Variants in LIMS2 observed in about 807,000 individuals in gnomAD.
LIMS2 encodes LIM zinc finger domain containing 2.
LIMS2 carries 30 observed loss-of-function variants against 45.3 expected under a neutral mutation model. The ratio of observed to expected loss-of-function variants is 0.66; its 90% CI spans 0.50 to 0.90. LIMS2 has a LOEUF of 0.90. Ranked by LOEUF, LIMS2 falls within the 40% of genes least tolerant of loss-of-function variation. The pLI is 0.00. For synonymous variants in LIMS2, 173 were observed against 188.0 expected (o/e 0.92, Z 0.65); for missense variants, 485 against 468.7 (o/e 1.03, Z -0.32).
At chr2:127,651,210 G>A in intron 4 of LIMS2, 1 of 1,609,860 alleles carries the variant, frequency 6.2e-7, no homozygotes, top group South Asian at 1.1e-5. Context: ...GTGGGTGGTG[G>A]TGGCTGTGGC....
chr2:127,668,732 A>G (rs1396426138), intron 1 of LIMS2, among the ~76,000 whole-genome samples: 1 of 146,152 alleles, frequency 6.8e-6, no homozygotes, highest in Non-Finnish European at 1.5e-5. Context: ...AAAAATTACA[A>G]TTTACTTACT....
chr2:127,668,710 AAC>A lies in LIMS2; in HGVS notation c.11+6302_11+6303del, dbSNP rs1558901542. On this transcript the variant is annotated intron_variant, in intron 1 of 9. Coordinates refer to ENST00000355119, the MANE Select transcript of LIMS2 (RefSeq NM_001161403.3). ...AAAAAAAAAAAAAAAAAAAAAAAAA[AAC>A]ACCTTACTTAAAAATTACAATTTAC... is the stretch of plus-strand genomic sequence containing the variant. Among the ~76,000 whole-genome samples the A allele has an allele frequency of 1.5e-4, 19 of 130,770 alleles. 1 individual carries two copies. The highest frequency in any genetic ancestry group is 8.3e-4 in the East Asian group (4 of 4,812). The allele number at this position is 130,770 out of a possible 152,430, so 85.8% of individuals were successfully genotyped here.
intron 4 of LIMS2, among the ~76,000 whole-genome samples, chr2:127,649,457 C>T (rs1683469621): frequency 6.6e-6 from 1 of 152,214 alleles, no homozygotes; most frequent in Admixed American, 6.5e-5. Context: ...CCCAGAGGAG[C>T]CCCAGAAGCT....
chr2:127,663,027 A>G (rs929094785), intron 1 of LIMS2, among the ~76,000 whole-genome samples: 3 of 152,248 alleles, frequency 2.0e-5, no homozygotes, highest in Non-Finnish European at 4.4e-5. Context: ...CAGAAGTTCA[A>G]AGAAAAACAG....
At position 127,668,659 on chromosome 2, in the gene LIMS2, A is replaced by G. The variant is rs866565037; in HGVS notation, c.11+6355T>C. On this transcript the variant is annotated intron_variant, in intron 1 of 9. Coordinates refer to ENST00000355119, the MANE Select transcript of LIMS2 (RefSeq NM_001161403.3). ...ATTCCACCCTGGGTGACAGAGTGAG[A>G]CTCCGTCTCAAAAAAAAAAAAAAAA... Among the ~76,000 whole-genome samples the G allele has an allele frequency of 4.4e-5, 5 of 114,136 alleles. No individual in the cohort carries two copies. The Middle Eastern group carries it at 0.015, about 353-fold the overall frequency. 74.9% of individuals were successfully genotyped at this position (114,136 alleles called of 152,430 possible).
rs1573837240 is a variant in LIMS2 at position 127,664,249 on chromosome 2, G to A, written c.12-6687C>T. The A allele has an allele frequency of 1.7e-6, 2 of 1,210,352 alleles. No homozygotes were observed. Among genetic ancestry groups the A allele is most frequent in the East Asian group, 6.6e-5 (2 of 30,088 alleles). 75.0% of individuals were successfully genotyped at this position (1,210,352 alleles called of 1,614,324 possible). ...GGGTTTCCGAGGGAAGGCCTGCCCTGCCGCCGCAGCTTTCCGGCCATTGTC... is the reference window on the plus strand; with the variant it reads ...GGGTTTCCGAGGGAAGGCCTGCCCTACCGCCGCAGCTTTCCGGCCATTGTC... On this transcript the variant is annotated intron_variant, in intron 1 of 9. Coordinates refer to ENST00000355119, the MANE Select transcript of LIMS2 (RefSeq NM_001161403.3). The surrounding 1 kb of genome is among the most constrained non-coding windows in gnomAD (Gnocchi z 5.5).
rs1683121539 is a variant in LIMS2, at chr2:127,647,504, C to A, written c.360-4432G>T. On this transcript the variant is annotated intron_variant, in intron 4 of 9. Coordinates refer to ENST00000355119, the MANE Select transcript of LIMS2 (RefSeq NM_001161403.3). This position sits in a 1 kb window ranked among gnomAD's most constrained non-coding sequence, Gnocchi z 4.3. ...CACCATGCCAGGCAGAGTGGTCAGT[C>A]GTACCTATGAGCTGCTCTCTCGTGG... Among the ~76,000 whole-genome samples the A allele has an allele frequency of 6.6e-6, 1 of 152,170 alleles. No individual in the cohort carries two copies. Among genetic ancestry groups the A allele is most frequent in the Non-Finnish European group, 1.5e-5 (1 of 68,028 alleles).
intron 4 of LIMS2, chr2:127,651,759 G>T (rs745413707): frequency 6.2e-7 from 1 of 1,610,178 alleles, no homozygotes; most frequent in Non-Finnish European, 8.5e-7. Context: ...GCTGTGAGCG[G>T]GGGGCGCCGT....
intron 4 of LIMS2, among the ~76,000 whole-genome samples, chr2:127,649,251 GA>G (rs1375960607): frequency 6.7e-6 from 1 of 149,358 alleles, no homozygotes; most frequent in Admixed American, 6.6e-5. Context: ...CTGCAGGCAG[GA>G]CCCCGGCTGT....
In LIMS2 at chr2:127,654,455, C is replaced by T; in HGVS notation, c.328G>A (p.Ala110Thr). ...FRCELCDVEL[A>T]DLGFVKNAGR... ...GCATTCTTCACAAAGCCCAGGTCAG[C>T]CAGCTCCACATCACACAGCTCGCAG... The change falls in exon 4 of 10, where the codon GCT becomes ACT. Residue 110 changes from alanine (A) to threonine (T), a missense_variant. Transcript: ENST00000355119. The T allele has an allele frequency of 6.2e-7, 1 of 1,614,162 alleles. No homozygotes were observed. Among genetic ancestry groups the T allele is most frequent in the Non-Finnish European group, 8.5e-7 (1 of 1,180,004 alleles).
Position 127,642,355 on chromosome 2 carries a change from A to G in LIMS2, c.510-156T>C. The G allele has an allele frequency of 6.2e-6, 5 of 808,938 alleles. No individual in the cohort carries two copies. Among genetic ancestry groups the G allele is most frequent in the Non-Finnish European group, 9.2e-6 (5 of 543,000 alleles). The allele number at this position is 808,938 out of a possible 1,614,324, so 50.1% of individuals were successfully genotyped here. ...CTTCTGATCTCTGGGCACTTTGAAG[A>G]CTTCCTGTGCCCCAGACAGGCCCTG... On this transcript the variant is annotated intron_variant, in intron 5 of 9. Transcript: ENST00000355119. The surrounding 1 kb of genome is among the most constrained non-coding windows in gnomAD (Gnocchi z 5.3).
chr2:127,680,641 C>T, intron 1 of LIMS2, among the ~76,000 whole-genome samples: 1 of 152,142 alleles, frequency 6.6e-6, no homozygotes, highest in East Asian at 1.9e-4. Flanking sequence ...CACAAGAGAC[C>T]CAGGGATTCT....
Position 127,639,387 on chromosome 2 carries a change from C to CTCTT in LIMS2, c.916_919dup (p.Arg307LysfsTer115), listed in dbSNP as rs1327873212. 2 of 1,613,824 alleles carry CTCTT rather than the reference C, an allele frequency of 1.2e-6. No individual in the cohort carries two copies. The highest frequency in any genetic ancestry group is 2.2e-5 in the East Asian group (1 of 44,886). On this transcript the variant is annotated frameshift_variant, in exon 10 of 10. Coordinates refer to ENST00000355119, the MANE Select transcript of LIMS2 (RefSeq NM_001161403.3). LOFTEE classifies it high-confidence loss of function. ...CTCCAGCGGGAACTTCTCGTAGCAC[C>CTCTT]TCTTACACACGGGCTTCATGTCGAA...
intron 1 of LIMS2, among the ~76,000 whole-genome samples, chr2:127,658,693 C>T (rs969680535): frequency 1.3e-5 from 2 of 152,210 alleles, no homozygotes; most frequent in East Asian, 1.9e-4. Context: ...GGATACCCCA[C>T]ACCTTTTGCT....
chr2:127,667,299 AAAAAAAC>A lies in LIMS2; in HGVS notation c.11+7708_11+7714del, dbSNP rs911359462. 1.6e-4 allele frequency among the ~76,000 whole-genome samples: 24 copies of A among 152,258 alleles called. No individual in the cohort carries two copies. Among genetic ancestry groups the A allele is most frequent in the South Asian group, 1.0e-3 (5 of 4,820 alleles). The stretch of plus-strand genomic sequence containing the variant: ...GAGTGAGATCTTGTCTCAAAAAGAG[AAAAAAAC>A]AAAAAACAAAAAACAACAAACCTTC... On this transcript the variant is annotated intron_variant, in intron 1 of 9. Coordinates refer to ENST00000355119, the MANE Select transcript of LIMS2 (RefSeq NM_001161403.3). The surrounding 1 kb of genome is among the most constrained non-coding windows in gnomAD (Gnocchi z 4.1).
chr2:127,667,313 CA>C lies in LIMS2; in HGVS notation c.11+7700del, dbSNP rs1402076167. The stretch of plus-strand genomic sequence containing the variant: ...CTCAAAAAGAGAAAAAAACAAAAAA[CA>C]AAAAACAACAAACCTTCACAAAATC... On this transcript the variant is annotated intron_variant, in intron 1 of 9. Coordinates refer to ENST00000355119, the MANE Select transcript of LIMS2 (RefSeq NM_001161403.3). This position sits in a 1 kb window ranked among gnomAD's most constrained non-coding sequence, Gnocchi z 4.1. Among the ~76,000 whole-genome samples, 1 of 151,936 alleles carries C rather than the reference CA, an allele frequency of 6.6e-6. No homozygotes were observed. The highest frequency in any genetic ancestry group is 1.5e-5 in the Non-Finnish European group (1 of 67,936).
intron 4 of LIMS2, among the ~76,000 whole-genome samples, chr2:127,649,427 G>A (rs945741832): frequency 6.6e-6 from 1 of 152,220 alleles, no homozygotes; most frequent in Admixed American, 6.5e-5. Context: ...TGGGGATGGT[G>A]GATACTGGGA....
At chr2:127,658,791 G>T (rs1684429061) in intron 1 of LIMS2, among the ~76,000 whole-genome samples, 1 of 152,244 alleles carries the variant, frequency 6.6e-6, no homozygotes, top group Non-Finnish European at 1.5e-5. Context: ...AGGCTCGCTG[G>T]GGAGTGACGC....
chr2:127,665,045 C>G (rs531179672), intron 1 of LIMS2, among the ~76,000 whole-genome samples: 2 of 152,278 alleles, frequency 1.3e-5, no homozygotes, highest in Admixed American at 1.3e-4. Flanking sequence ...GGGGAGCAGA[C>G]GCAGAGGGAC....
Sources: allele counts gnomAD v4.1 joint callset (sites outside exome capture counted in the v4.1 genomes callset), GRCh38; gene constraint gnomAD v4.1.1; non-coding constraint Gnocchi (gnomAD v3.1); transcripts MANE v1.5; gene names NCBI Gene and HGNC (gene_info 2026-07-23, HGNC 2026-07-21).